Variants in UGGT2 observed in about 807,000 individuals in gnomAD.
The protein encoded by UGGT2 is UDP-glucose glycoprotein glucosyltransferase 2.
Under a neutral mutation model 192.1 loss-of-function variants are expected in UGGT2, and 180 were observed. The ratio of observed to expected loss-of-function variants is 0.94; its 90% CI spans 0.83 to 1.06. The LOEUF (loss-of-function observed/expected upper bound fraction) is 1.06, where lower values mean the gene tolerates loss of function less well. Ranked by LOEUF, UGGT2 falls within the 50% of genes least tolerant of loss-of-function variation. The probability of loss-of-function intolerance (pLI) is 0.00; values close to 1 mark genes in which losing one functional copy is unlikely to be tolerated. For missense variants in UGGT2, 1,849 were observed against 1,795.7 expected (o/e 1.03, Z -0.54); for synonymous variants, 580 against 591.0 (o/e 0.98, Z 0.27).
chr13:95,851,295 T>C (rs1889003875), intron 36 of UGGT2, among the ~76,000 whole-genome samples: 1 of 152,142 alleles, frequency 6.6e-6, no homozygotes, highest in African/African-American at 2.4e-5. Context: ...GCAATGCCAG[T>C]AGAGTTAATA....
At position 95,903,009 on chromosome 13, in the gene UGGT2, T is replaced by C. The variant is rs1386213180; in HGVS notation, c.2347A>G (p.Ile783Val). 1 of 1,613,162 alleles carries C rather than the reference T, an allele frequency of 6.2e-7. No homozygotes were observed. Among genetic ancestry groups the C allele is most frequent in the Non-Finnish European group, 8.5e-7 (1 of 1,179,604 alleles). Residue 783 changes from isoleucine to valine, a missense_variant, in exon 21 of 39, where the codon ATA becomes GTA. Coordinates refer to ENST00000376747, the MANE Select transcript of UGGT2 (RefSeq NM_020121.4). ...LGIIYNPTSKINEENTAISRG... is the reference protein window; with the variant it reads ...LGIIYNPTSKVNEENTAISRG... ...GAAATAGCTGTGTTCTCTTCATTTA[T>C]TTTTGATGTAGGATTATAAATAATC...
chr13:95,990,778 GGTTT>G (rs1162012008), intron 7 of UGGT2: 1 of 151,970 alleles, frequency 6.6e-6, no homozygotes, highest in East Asian at 1.9e-4. Context: ...AGAACGTGCA[GGTTT>G]GTTACACAGG....
At chr13:95,879,438 ATTTG>A (rs1306782506) in intron 27 of UGGT2, among the ~76,000 whole-genome samples, 2 of 151,986 alleles carry the variant, frequency 1.3e-5, no homozygotes, top group Non-Finnish European at 2.9e-5. Context: ...TTATTTATTT[ATTTG>A]TTTGTTTGTT....
intron 30 of UGGT2, among the ~76,000 whole-genome samples, chr13:95,866,847 T>A (rs1890706199): frequency 6.6e-6 from 1 of 152,068 alleles, no homozygotes; most frequent in African/African-American, 2.4e-5. Context: ...TGGTTTTGGG[T>A]TTCCTTATTA....
intron 1 of UGGT2, among the ~76,000 whole-genome samples, chr13:96,048,911 G>A (rs1179194307): frequency 6.6e-6 from 1 of 152,252 alleles, no homozygotes; most frequent in Admixed American, 6.5e-5. Context: ...GTACAAAGAG[G>A]AGCTGGTACC....
At chr13:95,805,609 A>T (rs956056247) in intron 38 of UGGT2, among the ~76,000 whole-genome samples, 5 of 152,076 alleles carry the variant, frequency 3.3e-5, no homozygotes, top group African/African-American at 1.2e-4. Context: ...TTAAAAGGGA[A>T]GGAAATTCTG....
chr13:95,903,604 T>C (rs1757803946), intron 20 of UGGT2, among the ~76,000 whole-genome samples: 1 of 130,766 alleles, frequency 7.6e-6, no homozygotes, highest in Admixed American at 7.3e-5. Flanking sequence ...TTTGTGTTCT[T>C]TCCCCACTCA....
chr13:95,916,125 C>T (rs1490420954), intron 20 of UGGT2, among the ~76,000 whole-genome samples: 3 of 152,194 alleles, frequency 2.0e-5, no homozygotes, highest in Non-Finnish European at 1.5e-5. Context: ...CAAGGGTCTC[C>T]AGCCACCTGC....
intron 38 of UGGT2, among the ~76,000 whole-genome samples, chr13:95,826,084 A>C (rs1056388356): frequency 2.0e-5 from 3 of 152,084 alleles, no homozygotes; most frequent in African/African-American, 7.2e-5. Context: ...ACTACAAATA[A>C]TGTTGTAGTT....
chr13:95,911,107 T>C (rs2048479727), intron 20 of UGGT2, among the ~76,000 whole-genome samples: 1 of 152,208 alleles, frequency 6.6e-6, no homozygotes, highest in Non-Finnish European at 1.5e-5. Context: ...GGGAAATTTA[T>C]ACTACTAAAT....
At chr13:95,992,188 G>C (rs1477166101) in intron 7 of UGGT2, among the ~76,000 whole-genome samples, 1 of 152,032 alleles carries the variant, frequency 6.6e-6, no homozygotes, top group Non-Finnish European at 1.5e-5. Context: ...AAAAAAAAAT[G>C]AATAGCCATA....
At position 95,996,123 on chromosome 13, in the gene UGGT2, G is replaced by GT; in HGVS notation, c.769dup (p.Thr257AsnfsTer6). 1 of 1,611,162 alleles carries GT rather than the reference G, an allele frequency of 6.2e-7. No individual in the cohort carries two copies. The highest frequency in any genetic ancestry group is 1.3e-5 in the African/African-American group (1 of 74,826). Reference sequence around the variant, plus strand: ...TGTTTCAGTCTCATCCTCTACAGTAGTATTAGTCACAGCTACATTTTGGAA... The same window carrying GT: ...TGTTTCAGTCTCATCCTCTACAGTAGTTATTAGTCACAGCTACATTTTGGAA... On this transcript the variant is annotated frameshift_variant, in exon 7 of 39. Transcript: ENST00000376747. LOFTEE classifies it high-confidence loss of function.
At position 95,856,141 on chromosome 13, in the gene UGGT2, G is replaced by C. The variant is rs755852929; in HGVS notation, c.4008+17C>G. The C allele has an allele frequency of 6.3e-7, 1 of 1,584,688 alleles. No individual in the cohort carries two copies. Among genetic ancestry groups the C allele is most frequent in the Non-Finnish European group, 8.6e-7 (1 of 1,168,334 alleles). ...AAATGTTTGCGTATTACTAAAAATA[G>C]TAGTTAACCTTATTACCTGGTCAGC... On this transcript the variant is annotated intron_variant, in intron 34 of 38. Coordinates refer to ENST00000376747, the MANE Select transcript of UGGT2 (RefSeq NM_020121.4).
chr13:95,874,143 G>C (rs1891454757), intron 29 of UGGT2, among the ~76,000 whole-genome samples: 1 of 152,044 alleles, frequency 6.6e-6, no homozygotes, highest in Admixed American at 6.5e-5. Context: ...ACCTCACCAA[G>C]TGATTTCTGT....
intron 36 of UGGT2, among the ~76,000 whole-genome samples, chr13:95,844,866 C>T (rs1346337712): frequency 6.6e-6 from 1 of 152,080 alleles, no homozygotes; most frequent in Non-Finnish European, 1.5e-5. Context: ...TGCTGTGTTT[C>T]TGATCTTAGG....
At chr13:95,908,989 T>G (rs1231732867) in intron 20 of UGGT2, among the ~76,000 whole-genome samples, 1 of 149,434 alleles carries the variant, frequency 6.7e-6, no homozygotes, top group Non-Finnish European at 1.5e-5. Flanking sequence ...TTGTTGCCAT[T>G]GCTTTTGGTG....
At chr13:95,898,960 A>C (rs942443156) in intron 22 of UGGT2, among the ~76,000 whole-genome samples, 3 of 152,114 alleles carry the variant, frequency 2.0e-5, no homozygotes, top group Non-Finnish European at 4.4e-5. Context: ...GTCCCTCAAA[A>C]CCCATGTGTT....
At chr13:95,804,637 T>G (rs1197404734) in intron 38 of UGGT2, among the ~76,000 whole-genome samples, 1 of 152,192 alleles carries the variant, frequency 6.6e-6, no homozygotes, top group African/African-American at 2.4e-5. Context: ...AAATAAACTC[T>G]TGTGTATATG....
intron 22 of UGGT2, 106 bp from the exon 23 acceptor site, chr13:95,895,410 TAG>T: frequency 1.4e-6 from 1 of 707,198 alleles, no homozygotes; most frequent in Non-Finnish European, 2.1e-6. Flanking sequence ...AAAAATGAAT[TAG>T]AGATTAAAGA....
Sources: allele counts gnomAD v4.1 joint callset (sites outside exome capture counted in the v4.1 genomes callset), GRCh38; gene constraint gnomAD v4.1.1; transcripts MANE v1.5; gene names NCBI Gene and HGNC (gene_info 2026-07-23, HGNC 2026-07-21).